ZFAT: variants seen among roughly 807,000 people sequenced by gnomAD.
The protein encoded by ZFAT is zinc finger and AT-hook domain containing.
A neutral mutation model predicts 117.7 loss-of-function variants in ZFAT; 64 were observed. That is an observed-to-expected ratio of 0.54 (90% CI 0.44 to 0.67). ZFAT has a LOEUF of 0.67. ZFAT is among the 30% of genes least tolerant of loss of function. The probability of loss-of-function intolerance (pLI) is 0.00; values close to 1 mark genes in which losing one functional copy is unlikely to be tolerated. For synonymous variants in ZFAT, 679 were observed against 615.0 expected, an observed-to-expected ratio of 1.10 and a Z score of -1.54; for missense variants, 1,433 against 1,584.5, an observed-to-expected ratio of 0.90 and a Z score of 1.62.
chr8:134,756,749 G>C, the ZFAT span, among the ~76,000 whole-genome samples: 1 of 152,222 alleles, frequency 6.6e-6, no homozygotes, highest in Non-Finnish European at 1.5e-5. Flanking sequence ...CAAGTGAAGG[G>C]CCAACCCTGC....
At chr8:134,608,994 C>T (rs1047843056) in intron 4 of ZFAT, 115 bp from the exon 5 acceptor site, 91 of 1,249,842 alleles carry the variant, frequency 7.3e-5, no homozygotes, top group African/African-American at 1.6e-4. Context: ...CTGATACCCA[C>T]GCAAGATAGT....
intron 14 of ZFAT, among the ~76,000 whole-genome samples, chr8:134,512,073 G>C (rs545329375): frequency 6.6e-6 from 1 of 152,328 alleles, no homozygotes; most frequent in Admixed American, 6.5e-5. Flanking sequence ...TCCAGGATGA[G>C]CTCCAACACC....
the ZFAT span, among the ~76,000 whole-genome samples, chr8:134,720,211 C>A: frequency 6.6e-6 from 1 of 152,364 alleles, no homozygotes; most frequent in Admixed American, 6.5e-5. Context: ...CCTCGGCAAC[C>A]CTGCACTGTG....
intron 2 of ZFAT, among the ~76,000 whole-genome samples, chr8:134,638,549 C>CAAAAAAAAACA (rs1830374054): frequency 9.9e-6 from 1 of 101,076 alleles, no homozygotes; most frequent in African/African-American, 3.7e-5. Flanking sequence ...ACTAAAAATA[C>CAAAAAAAAACA]AAAAAAAAAA....
At chr8:134,817,150 A>G in the ZFAT span, among the ~76,000 whole-genome samples, 3 of 152,176 alleles carry the variant, frequency 2.0e-5, no homozygotes, top group Non-Finnish European at 2.9e-5. Flanking sequence ...GTGATTAACG[A>G]TAACAATCAG....
intron 1 of ZFAT, 30 bp downstream of exon 1, chr8:134,712,815 C>CGG: frequency 2.0e-5 from 23 of 1,127,924 alleles, no homozygotes; most frequent in Middle Eastern, 3.0e-4. Flanking sequence ...ACCCCCACCC[C>CGG]GTCTCACCCC....
At chr8:134,823,772 A>C in the ZFAT span, among the ~76,000 whole-genome samples, 3 of 152,266 alleles carry the variant, frequency 2.0e-5, no homozygotes, top group Non-Finnish European at 4.4e-5. Flanking sequence ...TCAACTTTTA[A>C]GATCAGATCA....
chr8:134,530,957 T>C (rs945646911), intron 12 of ZFAT, among the ~76,000 whole-genome samples: 31 of 152,304 alleles, frequency 2.0e-4, no homozygotes, highest in African/African-American at 6.3e-4. Context: ...ATTGTGGTTA[T>C]CTGCGGAGGG....
chr8:134,828,487 T>A, the ZFAT span, among the ~76,000 whole-genome samples: 1 of 152,184 alleles, frequency 6.6e-6, no homozygotes, highest in Non-Finnish European at 1.5e-5. Context: ...TCTCTAAGAA[T>A]AAAATTTCTC....
intron 5 of ZFAT, among the ~76,000 whole-genome samples, chr8:134,603,960 T>C (rs1827700774): frequency 6.6e-6 from 1 of 152,252 alleles, no homozygotes; most frequent in Admixed American, 6.5e-5. Flanking sequence ...AGGGTTGCTG[T>C]TTATTAACTT....
At chr8:134,548,766 G>A (rs1822898879) in intron 11 of ZFAT, among the ~76,000 whole-genome samples, 1 of 152,110 alleles carries the variant, frequency 6.6e-6, no homozygotes, top group African/African-American at 2.4e-5. Context: ...GTTCTAGAGG[G>A]CACACCATGG....
intron 12 of ZFAT, 29 bp downstream of exon 12, chr8:134,532,805 G>C: frequency 4.4e-6 from 7 of 1,606,060 alleles, no homozygotes; most frequent in Non-Finnish European, 5.9e-6. Flanking sequence ...GAAGCGGGCA[G>C]GGCCCCAGCT....
Position 134,513,331 on chromosome 8 carries a change from G to A in ZFAT, c.3235-730C>T, listed in dbSNP as rs149524044. Among the ~76,000 whole-genome samples, 589 of 152,086 alleles carry A rather than the reference G, an allele frequency of 3.9e-3. 5 individuals carry two copies. The highest frequency in any genetic ancestry group is 0.013 in the African/African-American group (559 of 41,476). On this transcript the variant is annotated intron_variant, in intron 13 of 15. Coordinates refer to ENST00000377838, the MANE Select transcript of ZFAT (RefSeq NM_020863.4). ...TCCTGCCTCAGCCTCCCGAGTGCCT[G>A]GGATTACAGGCACGCACCACCACAC...
intron 12 of ZFAT, among the ~76,000 whole-genome samples, chr8:134,524,002 G>A (rs1394824462): frequency 6.6e-6 from 1 of 152,070 alleles, no homozygotes; most frequent in Non-Finnish European, 1.5e-5. Context: ...GGAACTTCAG[G>A]GGCATCATCC....
intron 15 of ZFAT, among the ~76,000 whole-genome samples, chr8:134,499,632 T>G (rs1313879964): frequency 8.6e-3 from 669 of 77,646 alleles, no homozygotes; most frequent in East Asian, 0.017. Flanking sequence ...GGTGGAGCCG[T>G]GATGCCCCCG....
chr8:134,701,618 A>G (rs1408766277), intron 1 of ZFAT, among the ~76,000 whole-genome samples: 1 of 152,230 alleles, frequency 6.6e-6, no homozygotes, highest in Non-Finnish European at 1.5e-5. Context: ...CTGTTTTTAC[A>G]TTCCAACAAA....
chr8:134,626,398 G>C (rs963537371), intron 3 of ZFAT, among the ~76,000 whole-genome samples: 1 of 152,214 alleles, frequency 6.6e-6, no homozygotes, highest in African/African-American at 2.4e-5. Context: ...GCTGGGCTTA[G>C]GCAACTTCCT....
chr8:134,541,947 C>G (rs77172920), intron 11 of ZFAT, among the ~76,000 whole-genome samples: 1 of 152,210 alleles, frequency 6.6e-6, no homozygotes. Context: ...ACCTCATTCA[C>G]CACCTTCTAC....
intron 11 of ZFAT, among the ~76,000 whole-genome samples, chr8:134,534,280 C>T (rs1241181237): frequency 1.3e-5 from 2 of 152,230 alleles, no homozygotes; most frequent in Non-Finnish European, 2.9e-5. Context: ...AATTCTATCA[C>T]AATTCTTACT....
Sources: allele counts gnomAD v4.1 joint callset (sites outside exome capture counted in the v4.1 genomes callset), GRCh38; gene constraint gnomAD v4.1.1; transcripts MANE v1.5; gene names NCBI Gene and HGNC (gene_info 2026-07-23, HGNC 2026-07-21).